EPHA4: variants seen among roughly 807,000 people sequenced by gnomAD.
The protein encoded by EPHA4 is EPH receptor A4, also known as ephrin type-A receptor 4.
EPHA4 carries 19 observed loss-of-function variants against 108.3 expected under a neutral mutation model. The observed-to-expected ratio is 0.18, with a 90% CI of 0.12 to 0.26. EPHA4 has a LOEUF of 0.26. Ranked by LOEUF, EPHA4 falls within the 10% of genes least tolerant of loss-of-function variation. The pLI, the probability that EPHA4 is intolerant of heterozygous loss-of-function variation, is 1.00. For missense variants in EPHA4, 917 were observed against 1,254.0 expected, an observed-to-expected ratio of 0.73 and a Z score of 4.06; for synonymous variants, 449 against 455.5, an observed-to-expected ratio of 0.99 and a Z score of 0.18.
rs554447223 is a variant in EPHA4, at chr2:221,418,151, G to T, written c.*3221C>A. On this transcript the variant is annotated 3_prime_UTR_variant, in exon 18 of 18. Transcript: ENST00000281821. ...CATAAATAAATGACATAAGTTATGT[G>T]TACCTAAAGTTCATGAAGGGAAGAA... The T allele has an allele frequency of 1.3e-5, 2 of 152,664 alleles. No individual in the cohort carries two copies. Among genetic ancestry groups the T allele is most frequent in the African/African-American group, 4.8e-5 (2 of 41,538 alleles). 9.5% of individuals were successfully genotyped at this position (152,664 alleles called of 1,614,324 possible). A position where few individuals can be genotyped will look rare whatever the true frequency, so the allele number is the denominator to read the frequency against.
intron 3 of EPHA4, among the ~76,000 whole-genome samples, chr2:221,535,609 C>T (rs541325023): frequency 2.5e-4 from 38 of 151,002 alleles, no homozygotes; most frequent in African/African-American, 7.7e-4. Context: ...CTTCAAACAA[C>T]GGATTTGTTA....
chr2:221,432,651 T>C (rs538426346), intron 14 of EPHA4, among the ~76,000 whole-genome samples: 2 of 151,740 alleles, frequency 1.3e-5, no homozygotes, highest in African/African-American at 4.8e-5. Context: ...CGAACATTTT[T>C]TTTTTTTTTT....
rs1289805349 is a variant in EPHA4 at position 221,571,796 on chromosome 2, G to A, written c.91+362C>T. ...CCAGGCTGCGTTTTCCCCTCGCCCC[G>A]GGCTGGCTCAGGAGAGGACGTGGTT... On this transcript the variant is annotated intron_variant, in intron 1 of 17. Transcript: ENST00000281821. This position sits in a 1 kb window ranked among gnomAD's most constrained non-coding sequence, Gnocchi z 6.3. Among the ~76,000 whole-genome samples the A allele has an allele frequency of 6.6e-6, 1 of 152,194 alleles. No homozygotes were observed. Among genetic ancestry groups the A allele is most frequent in the Non-Finnish European group, 1.5e-5 (1 of 68,034 alleles).
intron 5 of EPHA4, among the ~76,000 whole-genome samples, chr2:221,481,613 C>T (rs1310923072): frequency 1.3e-5 from 2 of 151,992 alleles, no homozygotes; most frequent in African/African-American, 4.8e-5. Flanking sequence ...GAGATCACGC[C>T]ACTGCATTCC....
At chr2:221,437,921 C>T (rs1322137112) in intron 11 of EPHA4, among the ~76,000 whole-genome samples, 2 of 146,818 alleles carry the variant, frequency 1.4e-5, no homozygotes, top group African/African-American at 2.6e-5. Flanking sequence ...ACAGAGACTC[C>T]GTCTCAAAAA....
At chr2:221,448,082 T>G (rs1690651884) in intron 8 of EPHA4, among the ~76,000 whole-genome samples, 1 of 152,112 alleles carries the variant, frequency 6.6e-6, no homozygotes, top group Admixed American at 6.5e-5. Context: ...CCTCAAGTAA[T>G]CCGCCCACAT....
chr2:221,467,866 G>T (rs1691358085), intron 5 of EPHA4, among the ~76,000 whole-genome samples: 1 of 152,148 alleles, frequency 6.6e-6, no homozygotes, highest in South Asian at 2.1e-4. Flanking sequence ...AACATGGCAG[G>T]ATTCAATGTG....
intron 7 of EPHA4, 49 bp from the exon 8 acceptor site, chr2:221,455,707 G>T (rs2288627): frequency 1.4e-6 from 2 of 1,400,622 alleles, no homozygotes; most frequent in South Asian, 2.4e-5. Flanking sequence ...GTCTTAGGAG[G>T]TAGAACTTCT....
At chr2:221,452,035 T>G (rs1052048843) in intron 8 of EPHA4, among the ~76,000 whole-genome samples, 7 of 152,250 alleles carry the variant, frequency 4.6e-5, no homozygotes, top group Admixed American at 2.0e-4. Flanking sequence ...AGCCTGAGGC[T>G]GCTTCCTCTT....
chr2:221,493,072 C>T (rs570018129), intron 4 of EPHA4, among the ~76,000 whole-genome samples: 26 of 152,268 alleles, frequency 1.7e-4, no homozygotes, highest in African/African-American at 5.8e-4. Flanking sequence ...ATTTACGACA[C>T]TTTGGGAATC....
At chr2:221,557,288 C>T (rs947731314) in intron 3 of EPHA4, among the ~76,000 whole-genome samples, 7 of 152,100 alleles carry the variant, frequency 4.6e-5, no homozygotes, top group African/African-American at 1.7e-4. Context: ...AAGATCAAAA[C>T]CAACCAAACA....
intron 3 of EPHA4, among the ~76,000 whole-genome samples, chr2:221,519,722 G>A (rs562979428): frequency 6.6e-6 from 1 of 152,300 alleles, no homozygotes; most frequent in South Asian, 2.1e-4. Flanking sequence ...GCCACTCAAA[G>A]TCAGCCCTAC....
At chr2:221,533,431 G>A (rs974580748) in intron 3 of EPHA4, among the ~76,000 whole-genome samples, 12 of 152,000 alleles carry the variant, frequency 7.9e-5, no homozygotes, top group Non-Finnish European at 1.0e-4. Flanking sequence ...ATGCAGATGC[G>A]CTATTCACTG....
At chr2:221,531,250 T>G (rs1693503913) in intron 3 of EPHA4, among the ~76,000 whole-genome samples, 1 of 152,156 alleles carries the variant, frequency 6.6e-6, no homozygotes, top group African/African-American at 2.4e-5. Flanking sequence ...ACTGGTAGGT[T>G]TATTACCCTA....
chr2:221,452,843 T>C (rs1690830128), intron 8 of EPHA4, among the ~76,000 whole-genome samples: 1 of 152,122 alleles, frequency 6.6e-6, no homozygotes, highest in Non-Finnish European at 1.5e-5. Context: ...TATAATAAAG[T>C]GATCAATAAA....
At chr2:221,501,643 G>A (rs1044068167) in intron 3 of EPHA4, among the ~76,000 whole-genome samples, 18 of 152,130 alleles carry the variant, frequency 1.2e-4, no homozygotes, top group African/African-American at 4.3e-4. Context: ...TGCCCTCAAA[G>A]CCTGTATGCT....
intron 4 of EPHA4, 34 bp downstream of exon 4, chr2:221,500,983 C>A: frequency 6.6e-7 from 1 of 1,521,646 alleles, no homozygotes; most frequent in Non-Finnish European, 8.8e-7. Context: ...AAGCTGTTGG[C>A]ATCACAGGAA....
intron 4 of EPHA4, among the ~76,000 whole-genome samples, chr2:221,488,308 C>T (rs1010675052): frequency 1.3e-5 from 2 of 152,136 alleles, no homozygotes; most frequent in Admixed American, 6.5e-5. Flanking sequence ...AACTAAAAAG[C>T]CTATCTAAAA....
At chr2:221,561,699 A>G (rs551486854) in intron 3 of EPHA4, among the ~76,000 whole-genome samples, 1 of 152,308 alleles carries the variant, frequency 6.6e-6, no homozygotes, top group Non-Finnish European at 1.5e-5. Context: ...TTTGCCCACC[A>G]TCTTTTTCTC....
Sources: gnomAD v4.1 joint callset for allele counts (sites outside exome capture counted in the v4.1 genomes callset) on GRCh38, gnomAD v4.1.1 for gene constraint, Gnocchi (gnomAD v3.1) non-coding constraint, MANE v1.5 for transcripts, NCBI Gene and HGNC (gene_info 2026-07-23, HGNC 2026-07-21) for gene names.